Variants in B4GALNT3 observed in about 807,000 individuals in gnomAD.
B4GALNT3 encodes the protein beta-1,4-N-acetyl-galactosaminyltransferase 3.
B4GALNT3 carries 86 observed loss-of-function variants against 120.2 expected under a neutral mutation model. The ratio of observed to expected loss-of-function variants is 0.72; its 90% CI spans 0.60 to 0.86. The LOEUF (loss-of-function observed/expected upper bound fraction) is 0.86, where lower values mean the gene tolerates loss of function less well. B4GALNT3 is among the 40% of genes least tolerant of loss of function. The probability of loss-of-function intolerance (pLI) is 0.00; values close to 1 mark genes in which losing one functional copy is unlikely to be tolerated. For missense variants in B4GALNT3, 1,167 were observed against 1,298.9 expected, an observed-to-expected ratio of 0.90 and a Z score of 1.56; for synonymous variants, 518 against 510.4, an observed-to-expected ratio of 1.01 and a Z score of -0.20.
At chr12:488,778 C>T (rs537248832) in intron 1 of B4GALNT3, among the ~76,000 whole-genome samples, 23 of 152,002 alleles carry the variant, frequency 1.5e-4, no homozygotes, top group African/African-American at 5.1e-4. Context: ...TATGATTGCA[C>T]CTCTTCACTC....
In B4GALNT3 at chr12:558,575, T is replaced by C; in HGVS notation, c.2675T>C (p.Ile892Thr). ...IHFPAGVIDAIRKHCVEGKMA... is the reference protein window; with the variant it reads ...IHFPAGVIDATRKHCVEGKMA... ...TTCCCAGCTGGAGTCATCGATGCCA[T>C]TCGGAAGCACTGTGTGGAGGGAAAG... Residue 892 changes from isoleucine to threonine, a missense_variant, in exon 18 of 20, where the codon ATT becomes ACT. Ile to Thr is a moderately conservative substitution (Grantham distance 89). Coordinates refer to ENST00000266383, the MANE Select transcript of B4GALNT3 (RefSeq NM_173593.4). 3.7e-6 allele frequency: 6 copies of C among 1,614,144 alleles called. No individual in the cohort carries two copies. The highest frequency in any genetic ancestry group is 5.1e-6 in the Non-Finnish European group (6 of 1,180,000).
intron 1 of B4GALNT3, among the ~76,000 whole-genome samples, chr12:488,077 G>A (rs1000232327): frequency 2.0e-5 from 3 of 151,490 alleles, no homozygotes; most frequent in Admixed American, 6.6e-5. Context: ...GGTGACTCAC[G>A]TATGTAATCC....
In B4GALNT3 at chr12:557,681, A is replaced by C; in HGVS notation, c.2454A>C (p.Pro818=). 1 of 1,609,920 alleles carries C rather than the reference A, an allele frequency of 6.2e-7. No homozygotes were observed. The highest frequency in any genetic ancestry group is 8.5e-7 in the Non-Finnish European group (1 of 1,178,590). The stretch of plus-strand genomic sequence containing the variant: ...ACCTGTTCCAGGTCACCGGTGACCC[A>C]CACTTCAACATCGTCATCACTGACT... The part of the protein sequence containing the change: ...MENLFQVTGD[P]HFNIVITDYS... Residue 818 remains proline, a synonymous_variant, in exon 16 of 20, where the codon CCA becomes CCC. Transcript: ENST00000266383.
rs1165893540 is a variant in B4GALNT3, at chr12:511,998, TCCTTCCA to T, written c.170-23154_170-23148del. Among the ~76,000 whole-genome samples, 44 of 140,406 alleles carry T rather than the reference TCCTTCCA, an allele frequency of 3.1e-4. 1 individual carries two copies. Among genetic ancestry groups the T allele is most frequent in the East Asian group, 4.5e-4 (2 of 4,438 alleles). The allele number at this position is 140,406 out of a possible 152,430, so 92.1% of individuals were successfully genotyped here. A position where few individuals can be genotyped will look rare whatever the true frequency, so the allele number is the denominator to read the frequency against. Reference sequence around the variant, plus strand: ...GCCTTCCGCATTCCGCCTTCCATCTTCCTTCCACCTTCCACCTTCCGCCTTCCACCTT... The same window carrying T: ...GCCTTCCGCATTCCGCCTTCCATCTTCCTTCCACCTTCCGCCTTCCACCTT... On this transcript the variant is annotated intron_variant, in intron 1 of 19. Coordinates refer to ENST00000266383, the MANE Select transcript of B4GALNT3 (RefSeq NM_173593.4).
intron 1 of B4GALNT3, among the ~76,000 whole-genome samples, chr12:467,213 G>T (rs1946090295): frequency 6.6e-6 from 1 of 152,122 alleles, no homozygotes; most frequent in Non-Finnish European, 1.5e-5. Flanking sequence ...CTCAGTGACA[G>T]GAGTGAGCCA....
At chr12:485,602 C>T (rs1357314290) in intron 1 of B4GALNT3, among the ~76,000 whole-genome samples, 1 of 152,184 alleles carries the variant, frequency 6.6e-6, no homozygotes, top group African/African-American at 2.4e-5. Flanking sequence ...CAATGATTCT[C>T]AACCTCAGCT....
chr12:463,016 C>G (rs1356094863), intron 1 of B4GALNT3, among the ~76,000 whole-genome samples: 1 of 152,192 alleles, frequency 6.6e-6, no homozygotes, highest in African/African-American at 2.4e-5. Context: ...CTGCACCTCC[C>G]AGGCCTGTAC....
At chr12:501,056 G>A (rs1265490550) in intron 1 of B4GALNT3, among the ~76,000 whole-genome samples, 2 of 151,060 alleles carry the variant, frequency 1.3e-5, no homozygotes, top group African/African-American at 4.9e-5. Flanking sequence ...GTACTTTTTG[G>A]TAGAGACAGG....
chr12:483,451 C>CT (rs1338344616), intron 1 of B4GALNT3, among the ~76,000 whole-genome samples: 5 of 152,106 alleles, frequency 3.3e-5, no homozygotes, highest in Non-Finnish European at 7.3e-5. Context: ...AATCCCATAA[C>CT]TTTGGGAGGC....
At chr12:527,296 C>T (rs1946766457) in intron 1 of B4GALNT3, among the ~76,000 whole-genome samples, 1 of 152,214 alleles carries the variant, frequency 6.6e-6, no homozygotes, top group Admixed American at 6.5e-5. Flanking sequence ...GCACTGTCAG[C>T]AGGGCAGAAG....
At chr12:507,318 C>A (rs1053144580) in intron 1 of B4GALNT3, among the ~76,000 whole-genome samples, 2 of 152,184 alleles carry the variant, frequency 1.3e-5, no homozygotes, top group African/African-American at 4.8e-5. Flanking sequence ...GTGTGTGTGG[C>A]CTTCCACACC....
At chr12:481,348 GGTT>G (rs968406954) in intron 1 of B4GALNT3, among the ~76,000 whole-genome samples, 9 of 152,228 alleles carry the variant, frequency 5.9e-5, no homozygotes, top group African/African-American at 2.2e-4. Flanking sequence ...CTCAGTGAAG[GGTT>G]GCTTTCCTTT....
rs1419787461 is a variant in B4GALNT3, at chr12:550,809, C to G, written c.998-113C>G. ...TGGCAGCCTCAGCCACAGACGTCGG[C>G]AGAACACAGCTGCCGCTTGCGAATA... is the stretch of plus-strand genomic sequence containing the variant. On this transcript the variant is annotated intron_variant, in intron 10 of 19. Transcript: ENST00000266383. The surrounding 1 kb of genome is among the most constrained non-coding windows in gnomAD (Gnocchi z 4.1). The G allele has an allele frequency of 7.0e-6, 6 of 857,362 alleles. No homozygotes were observed. Among genetic ancestry groups the G allele is most frequent in the Non-Finnish European group, 1.1e-5 (6 of 548,970 alleles). The allele number at this position is 857,362 out of a possible 1,614,324, so 53.1% of individuals were successfully genotyped here.
rs763923882 is a variant in B4GALNT3, at chr12:551,011, C to T, written c.1087C>T (p.Arg363Cys). Residue 363 changes from arginine to cysteine, a missense_variant, in exon 11 of 20, where the codon CGC (arginine) becomes TGC (cysteine). Arg to Cys is a radical substitution (Grantham distance 180). This residue lies in a region of B4GALNT3 where 983 missense variants were observed against 1,102.5 expected (regional missense o/e 0.89). Coordinates refer to ENST00000266383, the MANE Select transcript of B4GALNT3 (RefSeq NM_173593.4). ...TCTGGTGGATGGGCTTCCTCTGCAG[C>T]GCTACCAGGGACTCCGGTTTGTAAG... ...SYLVDGLPLQ[R>C]YQGLRFVHLS... 3.7e-6 allele frequency: 6 copies of T among 1,612,834 alleles called. No homozygotes were observed. Among genetic ancestry groups the T allele is most frequent in the South Asian group, 2.2e-5 (2 of 91,066 alleles).
At position 514,921 on chromosome 12, in the gene B4GALNT3, C is replaced by T. The variant is rs148229090; in HGVS notation, c.170-20245C>T. On this transcript the variant is annotated intron_variant, in intron 1 of 19. Transcript: ENST00000266383. ...GTGGGAGCCTGTAATCCCAGCTACT[C>T]GAGAGGCTGAGGCAAGAGAATCGCT... Among the ~76,000 whole-genome samples, 371 of 152,122 alleles carry T rather than the reference C, an allele frequency of 2.4e-3. 3 individuals are homozygous for T. The highest frequency in any genetic ancestry group is 8.3e-3 in the African/African-American group (346 of 41,502).
chr12:495,142 TA>T (rs1946376683), intron 1 of B4GALNT3, among the ~76,000 whole-genome samples: 1 of 152,190 alleles, frequency 6.6e-6, no homozygotes, highest in African/African-American at 2.4e-5. Flanking sequence ...ACAGATTAAA[TA>T]AACAGAAGCT....
chr12:516,345 C>T (rs1946656053), intron 1 of B4GALNT3, among the ~76,000 whole-genome samples: 1 of 152,102 alleles, frequency 6.6e-6, no homozygotes, highest in Non-Finnish European at 1.5e-5. Context: ...GGAAAGGCTT[C>T]TGATATTTGA....
intron 18 of B4GALNT3, among the ~76,000 whole-genome samples, 165 bp downstream of exon 18, chr12:558,826 C>G (rs531768234): frequency 6.6e-6 from 1 of 151,960 alleles, no homozygotes; most frequent in Non-Finnish European, 1.5e-5. Flanking sequence ...GACAAGGTCC[C>G]CTTGGGCTGA....
chr12:553,117 T>G (rs1196307742), intron 13 of B4GALNT3, 77 bp from the exon 14 acceptor site: 2 of 1,559,484 alleles, frequency 1.3e-6, no homozygotes, highest in African/African-American at 2.7e-5. Context: ...ACACGTATGA[T>G]CATCCTCTGT....
Sources: allele counts gnomAD v4.1 joint callset (sites outside exome capture counted in the v4.1 genomes callset), GRCh38; gene constraint gnomAD v4.1.1; regional missense constraint gnomAD v4.1.1; non-coding constraint Gnocchi (gnomAD v3.1); transcripts MANE v1.5; gene names NCBI Gene and HGNC (gene_info 2026-07-23, HGNC 2026-07-21).